The following PFKFB3 variants were observed in gnomAD, a reference collection of about 807,000 sequenced individuals.
The protein encoded by PFKFB3 is 6-phosphofructo-2-kinase/fructose-2,6-biphosphatase 3.
In PFKFB3, 33 loss-of-function variants were observed where a neutral mutation model predicts 68.0. The ratio of observed to expected loss-of-function variants is 0.49; its 90% CI spans 0.37 to 0.65. The LOEUF is 0.65. Among genes scored for constraint, PFKFB3 ranks in the 30% least tolerant of loss-of-function variants. The probability of loss-of-function intolerance (pLI) is 0.00; values close to 1 mark genes in which losing one functional copy is unlikely to be tolerated. For missense variants in PFKFB3, 586 were observed against 712.2 expected (o/e 0.82, Z 2.02); for synonymous variants, 315 against 288.2 (o/e 1.09, Z -0.94).
chr10:6,248,631 A>AC (rs1346415361), intron 14 of PFKFB3, among the ~76,000 whole-genome samples: 1 of 128,460 alleles, frequency 7.8e-6, no homozygotes, highest in Non-Finnish European at 1.6e-5. Context: ...TCCATCTCAA[A>AC]AAAAAAAAAA....
downstream of PFKFB3, among the ~76,000 whole-genome samples, chr10:6,255,900 G>A (rs192508607): frequency 2.6e-5 from 4 of 152,306 alleles, no homozygotes; most frequent in Admixed American, 1.3e-4. Flanking sequence ...GAGCGTTGGC[G>A]GGGTGGGAGG....
At chr10:6,250,155 C>T (rs1419544858) in intron 14 of PFKFB3, among the ~76,000 whole-genome samples, 15 of 152,050 alleles carry the variant, frequency 9.9e-5, no homozygotes, top group Non-Finnish European at 1.8e-4. Context: ...ATAGCCTGAG[C>T]CCTCAGGAGG....
intron 1 of PFKFB3, among the ~76,000 whole-genome samples, chr10:6,156,129 A>G (rs148931689): frequency 0.01 from 980 of 96,962 alleles, 16 homozygotes; most frequent in African/African-American, 0.025. Context: ...GTACATATAT[A>G]TGTGTGTGTG....
rs1385180274 is a variant in PFKFB3, at chr10:6,233,236, G to C, written c.*294G>C. 2.5e-6 allele frequency: 1 copy of C among 403,872 alleles called. No homozygotes were observed. The highest frequency in any genetic ancestry group is 4.5e-6 in the Non-Finnish European group (1 of 220,930). The allele number at this position is 403,872 out of a possible 1,614,324, so 25.0% of individuals were successfully genotyped here. A position where few individuals can be genotyped will look rare whatever the true frequency, so the allele number is the denominator to read the frequency against. ...CGGAGACCTTCACAAAGCCTTGGGA[G>C]GGTGATGAGTGCTGGTCCTGACAGG... On this transcript the variant is annotated 3_prime_UTR_variant, in exon 15 of 15. Coordinates refer to ENST00000379775, the MANE Select transcript of PFKFB3 (RefSeq NM_004566.4).
At chr10:6,163,925 C>G (rs534287339) in intron 1 of PFKFB3, 4 of 152,646 alleles carry the variant, frequency 2.6e-5, no homozygotes, top group South Asian at 2.1e-4. Flanking sequence ...CTCTGGGGAC[C>G]TGGGGTTGTG....
At chr10:6,280,351 G>A in the PFKFB3 span, among the ~76,000 whole-genome samples, 1 of 152,250 alleles carries the variant, frequency 6.6e-6, no homozygotes, top group Non-Finnish European at 1.5e-5. Flanking sequence ...CATGGGCCAT[G>A]TCATGTCCCT....
At chr10:6,205,481 C>T (rs1843622867) in intron 1 of PFKFB3, among the ~76,000 whole-genome samples, 2 of 146,068 alleles carry the variant, frequency 1.4e-5, no homozygotes, top group African/African-American at 5.1e-5. Context: ...CAACTTCTGC[C>T]TCCGGGTTTC....
rs751385243 is a variant in PFKFB3 at position 6,211,776 on chromosome 10, C to T, written c.77-1847C>T. Among the ~76,000 whole-genome samples, 6 of 152,302 alleles carry T rather than the reference C, an allele frequency of 3.9e-5. No individual in the cohort carries two copies. In the South Asian group the frequency reaches 1.0e-3, roughly 26 times the overall value. The stretch of plus-strand genomic sequence containing the variant: ...GAGCATGGCAGCCCAGGGCTTTTAG[C>T]GTCTCCTCATCTGCTGATAGCCTGT... On this transcript the variant is annotated intron_variant, in intron 1 of 14. Coordinates refer to ENST00000379775, the MANE Select transcript of PFKFB3 (RefSeq NM_004566.4).
the PFKFB3 span, among the ~76,000 whole-genome samples, chr10:6,285,010 A>T: frequency 6.6e-6 from 1 of 152,006 alleles, no homozygotes; most frequent in Non-Finnish European, 1.5e-5. Flanking sequence ...AGTTGTTTCT[A>T]CCTTTTGGCT....
chr10:6,162,132 TACA>T (rs141566339), intron 1 of PFKFB3, among the ~76,000 whole-genome samples: 9,914 of 152,342 alleles, frequency 0.065, 366 homozygotes, highest in Non-Finnish European at 0.082. Flanking sequence ...AGTGGAATCT[TACA>T]ACATTTGTCT....
rs532028772 is a variant in PFKFB3 at position 6,233,074 on chromosome 10, C to G, written c.*132C>G. On this transcript the variant is annotated 3_prime_UTR_variant, in exon 15 of 15. Coordinates refer to ENST00000379775, the MANE Select transcript of PFKFB3 (RefSeq NM_004566.4). Reference sequence around the variant, plus strand: ...GGTGGAGCAGCGGGGGAGCCTTGGCCGAAGAGAACCATGCTTGGCACCGTC... The same window carrying G: ...GGTGGAGCAGCGGGGGAGCCTTGGCGGAAGAGAACCATGCTTGGCACCGTC... The G allele has an allele frequency of 1.4e-6, 1 of 730,218 alleles. No individual in the cohort carries two copies. The highest frequency in any genetic ancestry group is 2.4e-6 in the Non-Finnish European group (1 of 415,288). The allele number at this position is 730,218 out of a possible 1,614,324, so 45.2% of individuals were successfully genotyped here.
chr10:6,244,641 C>T (rs574464574), intron 14 of PFKFB3, among the ~76,000 whole-genome samples: 119 of 152,038 alleles, frequency 7.8e-4, no homozygotes, highest in South Asian at 1.0e-3. Flanking sequence ...CAGATTAGAC[C>T]GAGACAAGTA....
At chr10:6,276,014 A>G in the PFKFB3 span, among the ~76,000 whole-genome samples, 1 of 152,268 alleles carries the variant, frequency 6.6e-6, no homozygotes, top group East Asian at 1.9e-4. Flanking sequence ...ATGTCTCCCA[A>G]TTCATGGCAC....
chr10:6,165,823 T>C (rs939929860), intron 1 of PFKFB3, among the ~76,000 whole-genome samples: 5 of 150,824 alleles, frequency 3.3e-5, no homozygotes, highest in Admixed American at 2.0e-4. Context: ...TTGTCTTTGT[T>C]TTTTTTTTTG....
At chr10:6,203,553 G>A (rs1199476136) in intron 1 of PFKFB3, among the ~76,000 whole-genome samples, 1 of 151,428 alleles carries the variant, frequency 6.6e-6, no homozygotes, top group East Asian at 2.0e-4. Flanking sequence ...CGGAAACGGC[G>A]AGTGCGCCCG....
At chr10:6,254,374 A>G (rs943983271) in exon 15 of PFKFB3, 2 of 398,380 alleles carry the variant, frequency 5.0e-6, no homozygotes, top group Admixed American at 4.4e-5. Context: ...TCCTAATGAT[A>G]CCTGGCTGAA....
At chr10:6,247,594 C>T (rs1056101174) in intron 14 of PFKFB3, among the ~76,000 whole-genome samples, 2 of 152,204 alleles carry the variant, frequency 1.3e-5, no homozygotes, top group Non-Finnish European at 2.9e-5. Flanking sequence ...GAGCCCTGTC[C>T]CATTCCACTG....
chr10:6,289,251 ATGGTG>A, the PFKFB3 span, among the ~76,000 whole-genome samples: 1 of 149,592 alleles, frequency 6.7e-6, no homozygotes, highest in Non-Finnish European at 1.5e-5. Context: ...GCCATTGCTT[ATGGTG>A]TTTTAGACAT....
intron 1 of PFKFB3, among the ~76,000 whole-genome samples, chr10:6,190,781 GTC>G (rs1843001923): frequency 6.6e-6 from 1 of 152,218 alleles, no homozygotes; most frequent in South Asian, 2.1e-4. Context: ...TGTGCCTCAT[GTC>G]TCTATTTATT....
Sources: gnomAD v4.1 joint callset for allele counts (sites outside exome capture counted in the v4.1 genomes callset) on GRCh38, gnomAD v4.1.1 for gene constraint, MANE v1.5 for transcripts, NCBI Gene and HGNC (gene_info 2026-07-23, HGNC 2026-07-21) for gene names.